The following RORA variants were observed in gnomAD, a reference collection of about 807,000 sequenced individuals.
The protein encoded by RORA is RAR related orphan receptor A.
RORA carries 7 observed loss-of-function variants against 69.5 expected under a neutral mutation model. The ratio of observed to expected loss-of-function variants is 0.10; its 90% CI spans 0.06 to 0.19. The LOEUF is 0.19. RORA is among the 10% of genes least tolerant of loss of function. RORA has a pLI of 1.00. For missense variants in RORA, 457 were observed against 663.0 expected, an observed-to-expected ratio of 0.69 and a Z score of 3.41; for synonymous variants, 261 against 240.8, an observed-to-expected ratio of 1.08 and a Z score of -0.78.
chr15:60,975,330 C>T (rs1893846010), intron 1 of RORA, among the ~76,000 whole-genome samples: 1 of 152,128 alleles, frequency 6.6e-6, no homozygotes, highest in Non-Finnish European at 1.5e-5. Context: ...GCAGGCAAAC[C>T]GAGTACTGGG....
intron 1 of RORA, among the ~76,000 whole-genome samples, chr15:61,144,012 AAT>A (rs2079323584): frequency 6.6e-6 from 1 of 152,248 alleles, no homozygotes; most frequent in South Asian, 2.1e-4. Context: ...ATCTGCAACT[AAT>A]ATGTTAGATA....
At chr15:60,654,032 T>G (rs929293849) in intron 2 of RORA, among the ~76,000 whole-genome samples, 6 of 152,178 alleles carry the variant, frequency 3.9e-5, no homozygotes, top group African/African-American at 1.4e-4. Flanking sequence ...GCAGCTTCTC[T>G]TCTTCTCCCG....
intron 1 of RORA, among the ~76,000 whole-genome samples, chr15:61,008,687 G>A (rs1391715985): frequency 6.6e-6 from 1 of 151,864 alleles, no homozygotes; most frequent in East Asian, 1.9e-4. Flanking sequence ...GTACACATTT[G>A]ACTTACCCCT....
chr15:61,209,602 C>T (rs983259239), intron 1 of RORA, among the ~76,000 whole-genome samples: 2 of 152,162 alleles, frequency 1.3e-5, no homozygotes, highest in Non-Finnish European at 2.9e-5. Flanking sequence ...AAGGTGGGGC[C>T]TCTAGAAATG....
chr15:60,559,631 G>T (rs1224036143), intron 2 of RORA, among the ~76,000 whole-genome samples: 2 of 152,036 alleles, frequency 1.3e-5, no homozygotes, highest in Non-Finnish European at 2.9e-5. Context: ...TGCTGTAGTA[G>T]GAAGGCAAAA....
intron 1 of RORA, among the ~76,000 whole-genome samples, chr15:61,193,514 C>T (rs969859186): frequency 1.3e-5 from 2 of 152,186 alleles, no homozygotes; most frequent in Non-Finnish European, 2.9e-5. Flanking sequence ...CACTTTGACT[C>T]CCTGGATCCA....
chr15:60,838,561 A>T (rs377243000), intron 1 of RORA, among the ~76,000 whole-genome samples: 1 of 152,154 alleles, frequency 6.6e-6, no homozygotes, highest in South Asian at 2.1e-4. Context: ...CTCTTTCTGA[A>T]GTTTTCTTTA....
intron 2 of RORA, among the ~76,000 whole-genome samples, chr15:60,666,166 ATTTTTTT>A (rs142176178): frequency 1.1e-4 from 15 of 135,568 alleles, no homozygotes; most frequent in Admixed American, 1.5e-4. Flanking sequence ...TACAAAGATA[ATTTTTTT>A]TTTTTTTTTT....
chr15:60,732,228 T>C (rs1265578368), intron 1 of RORA, among the ~76,000 whole-genome samples: 2 of 152,208 alleles, frequency 1.3e-5, no homozygotes, highest in East Asian at 3.8e-4. Context: ...TATGTAACAT[T>C]TTAAAATATA....
intron 1 of RORA, among the ~76,000 whole-genome samples, chr15:61,007,766 A>G (rs938517685): frequency 7.4e-5 from 11 of 148,292 alleles, no homozygotes; most frequent in African/African-American, 2.4e-4. Flanking sequence ...TATATTATAT[A>G]TAACATTAGG....
In RORA at chr15:61,162,506, G is replaced by T. The variant is rs2079504250; in HGVS notation, c.166+66547C>A. On this transcript the variant is annotated intron_variant, in intron 1 of 10. Transcript: ENST00000335670. ...GGTGCTAACAGTGGTCTTGGTGAGGGACTCTACCAACTGTGAGTAACATAA... is the reference window on the plus strand; with the variant it reads ...GGTGCTAACAGTGGTCTTGGTGAGGTACTCTACCAACTGTGAGTAACATAA... 2.0e-5 allele frequency among the ~76,000 whole-genome samples: 3 copies of T among 152,136 alleles called. No homozygotes were observed. The South Asian group carries it at 6.2e-4, about 32-fold the overall frequency.
intron 1 of RORA, among the ~76,000 whole-genome samples, chr15:60,699,768 T>C (rs1388882087): frequency 1.3e-5 from 2 of 152,218 alleles, no homozygotes; most frequent in Non-Finnish European, 2.9e-5. Flanking sequence ...TTATTGTATT[T>C]AGTTTTTGCC....
At chr15:60,797,210 TTTGTGA>T (rs1240715817) in intron 1 of RORA, among the ~76,000 whole-genome samples, 1 of 152,036 alleles carries the variant, frequency 6.6e-6, no homozygotes, top group East Asian at 1.9e-4. Context: ...GTTGCATAAC[TTTGTGA>T]TTGTCCTAAA....
At chr15:60,687,106 C>T (rs925899039) in intron 1 of RORA, among the ~76,000 whole-genome samples, 1 of 152,140 alleles carries the variant, frequency 6.6e-6, no homozygotes, top group Non-Finnish European at 1.5e-5. Flanking sequence ...TGTCTTGAAT[C>T]ACCTAGAGAA....
At chr15:60,987,428 G>A (rs1894238595) in intron 1 of RORA, among the ~76,000 whole-genome samples, 1 of 152,154 alleles carries the variant, frequency 6.6e-6, no homozygotes, top group South Asian at 2.1e-4. Flanking sequence ...GACCAGATCT[G>A]AGATGGGCAA....
intron 2 of RORA, among the ~76,000 whole-genome samples, chr15:60,625,158 G>A (rs1233938000): frequency 6.6e-6 from 1 of 152,194 alleles, no homozygotes; most frequent in Admixed American, 6.5e-5. Context: ...TTGTGGGTGT[G>A]CATGTACTTA....
At chr15:61,136,239 A>C (rs2079239176) in intron 1 of RORA, among the ~76,000 whole-genome samples, 2 of 151,142 alleles carry the variant, frequency 1.3e-5, no homozygotes, top group South Asian at 4.2e-4. Context: ...AGACCATGTG[A>C]GAATTTCTTC....
chr15:61,210,708 C>A (rs779306450), intron 1 of RORA, among the ~76,000 whole-genome samples: 2 of 152,100 alleles, frequency 1.3e-5, no homozygotes, highest in Non-Finnish European at 2.9e-5. Flanking sequence ...AACCTTGAGC[C>A]GCAAAGAGGA....
chr15:60,975,134 A>C (rs929583516), intron 1 of RORA, among the ~76,000 whole-genome samples: 1 of 152,138 alleles, frequency 6.6e-6, no homozygotes, highest in East Asian at 1.9e-4. Context: ...AACTGTGGAG[A>C]GAGTCAAGGG....
Sources: gnomAD v4.1 joint callset for allele counts (sites outside exome capture counted in the v4.1 genomes callset) on GRCh38, gnomAD v4.1.1 for gene constraint, MANE v1.5 for transcripts, NCBI Gene and HGNC (gene_info 2026-07-23, HGNC 2026-07-21) for gene names.